FRYL: variants seen among roughly 807,000 people sequenced by gnomAD.
FRYL encodes the protein FRY like transcription coactivator.
Under a neutral mutation model 351.2 loss-of-function variants are expected in FRYL, and 150 were observed. The ratio of observed to expected loss-of-function variants is 0.43; its 90% CI spans 0.37 to 0.49. FRYL has a LOEUF of 0.49. FRYL is among the 20% of genes least tolerant of loss of function. FRYL has a pLI of 0.00. For synonymous variants in FRYL, 1,153 were observed against 1,257.1 expected, an observed-to-expected ratio of 0.92 and a Z score of 1.75; for missense variants, 3,036 against 3,619.3, an observed-to-expected ratio of 0.84 and a Z score of 4.13.
intron 2 of FRYL, among the ~76,000 whole-genome samples, chr4:48,687,495 G>C (rs1266641499): frequency 1.7e-4 from 2 of 11,926 alleles, no homozygotes; most frequent in African/African-American, 3.5e-4. Flanking sequence ...ATGAGGTCGG[G>C]GGGGGGGGGG....
intron 1 of FRYL, among the ~76,000 whole-genome samples, chr4:48,754,772 G>A (rs1414275899): frequency 1.3e-5 from 2 of 150,686 alleles, no homozygotes; most frequent in Non-Finnish European, 2.9e-5. Flanking sequence ...CTTCCAAGTC[G>A]CTGGGACTAC....
At chr4:48,704,417 G>A (rs2149580881) in intron 2 of FRYL, among the ~76,000 whole-genome samples, 1 of 152,206 alleles carries the variant, frequency 6.6e-6, no homozygotes, top group Admixed American at 6.5e-5. Flanking sequence ...GGTTATGTAT[G>A]AAAAAAAGGC....
At chr4:48,521,509 C>A (rs1210406696) in intron 54 of FRYL, among the ~76,000 whole-genome samples, 1 of 152,180 alleles carries the variant, frequency 6.6e-6, no homozygotes, top group Non-Finnish European at 1.5e-5. Context: ...CATATTGGAG[C>A]TGAATTCATA....
At chr4:48,728,985 G>GAC (rs1770407624) in intron 1 of FRYL, among the ~76,000 whole-genome samples, 1 of 152,244 alleles carries the variant, frequency 6.6e-6, no homozygotes, top group African/African-American at 2.4e-5. Context: ...AGCCGTGAGT[G>GAC]ACTGTACCTG....
intron 41 of FRYL, chr4:48,546,507 G>A: frequency 2.2e-6 from 1 of 456,370 alleles, no homozygotes; most frequent in Non-Finnish European, 3.9e-6. Context: ...GTACTATGCA[G>A]TCCTCTGCCG....
chr4:48,671,698 C>T (rs888847630), intron 3 of FRYL, among the ~76,000 whole-genome samples: 4 of 148,684 alleles, frequency 2.7e-5, no homozygotes, highest in Non-Finnish European at 4.5e-5. Flanking sequence ...TACAAAAATA[C>T]AAAAATTAGC....
chr4:48,723,880 G>A (rs1381335192), intron 1 of FRYL, among the ~76,000 whole-genome samples: 2 of 150,574 alleles, frequency 1.3e-5, no homozygotes, highest in Admixed American at 1.3e-4. Flanking sequence ...GAACCCAGGA[G>A]TTTGAGACCA....
rs752157683 is a variant in FRYL, at chr4:48,586,650, G to A, written c.1719C>T (p.Ser573=). Residue 573 remains serine, a synonymous_variant, in exon 19 of 64, where the codon AGC becomes AGT. Coordinates refer to ENST00000358350, the MANE Select transcript of FRYL (RefSeq NM_015030.2). ...AIPRLIPDGM[S]RTDLIELLAR... The stretch of plus-strand genomic sequence containing the variant: ...CTAACAATTCAATCAGGTCAGTTCT[G>A]CTCATACCGTCAGGAATCAACCTTG... 3.1e-6 allele frequency: 5 copies of A among 1,611,740 alleles called. No homozygotes were observed. The highest frequency in any genetic ancestry group is 2.2e-5 in the South Asian group (2 of 90,906).
chr4:48,643,288 G>A (rs1177173173), intron 3 of FRYL, among the ~76,000 whole-genome samples: 1 of 152,196 alleles, frequency 6.6e-6, no homozygotes, highest in East Asian at 1.9e-4. Context: ...CTGTAGCTTA[G>A]AGGGTGAGAT....
At chr4:48,680,835 A>T in intron 3 of FRYL, 1 of 362,602 alleles carries the variant, frequency 2.8e-6, no homozygotes. Flanking sequence ...GATTTTCAAA[A>T]TATTCCTGCT....
chr4:48,565,309 T>C (rs1736529238), intron 29 of FRYL, among the ~76,000 whole-genome samples: 1 of 152,142 alleles, frequency 6.6e-6, no homozygotes, highest in South Asian at 2.1e-4. Context: ...TTTCAAGTAA[T>C]CCTAAGTTCT....
rs374492914 is a variant in FRYL at position 48,638,887 on chromosome 4, A to G, written c.-80-4397T>C. 1.4e-3 allele frequency among the ~76,000 whole-genome samples: 217 copies of G among 152,216 alleles called. 1 individual carries two copies. Among genetic ancestry groups the G allele is most frequent in the African/African-American group, 4.6e-3 (193 of 41,536 alleles). Reference sequence around the variant, plus strand: ...AACCAAACACCGCATATTCTCACTCATAAGTGGGAGCTGAATAATGAGAAC... The same window carrying G: ...AACCAAACACCGCATATTCTCACTCGTAAGTGGGAGCTGAATAATGAGAAC... On this transcript the variant is annotated intron_variant, in intron 3 of 63. Transcript: ENST00000358350.
At chr4:48,662,862 T>C (rs1761046759) in intron 3 of FRYL, among the ~76,000 whole-genome samples, 1 of 151,592 alleles carries the variant, frequency 6.6e-6, no homozygotes, top group Admixed American at 6.6e-5. Flanking sequence ...CCCAGAATTC[T>C]ATATCCAGTA....
At chr4:48,713,146 C>T (rs1192703716) in intron 1 of FRYL, among the ~76,000 whole-genome samples, 5 of 151,922 alleles carry the variant, frequency 3.3e-5, no homozygotes, top group African/African-American at 9.7e-5. Flanking sequence ...TAAAGACCAT[C>T]GAGACTAGGA....
intron 60 of FRYL, among the ~76,000 whole-genome samples, chr4:48,504,563 A>G (rs1720485435): frequency 6.6e-6 from 1 of 152,158 alleles, no homozygotes; most frequent in South Asian, 2.1e-4. Context: ...TCATTTCTTT[A>G]CATAGATGAC....
chr4:48,631,064 G>A (rs1232162812), intron 4 of FRYL, among the ~76,000 whole-genome samples: 1 of 152,066 alleles, frequency 6.6e-6, no homozygotes, highest in African/African-American at 2.4e-5. Flanking sequence ...ATCTAATCTT[G>A]AAGCTATGGA....
At chr4:48,753,405 A>C (rs1184894266) in intron 1 of FRYL, among the ~76,000 whole-genome samples, 1 of 152,212 alleles carries the variant, frequency 6.6e-6, no homozygotes, top group Admixed American at 6.5e-5. Context: ...TCTCCTCTGA[A>C]CATATTCTAG....
intron 1 of FRYL, among the ~76,000 whole-genome samples, chr4:48,779,082 G>A (rs1776345612): frequency 6.6e-6 from 1 of 151,052 alleles, no homozygotes; most frequent in African/African-American, 2.4e-5. Flanking sequence ...ACAAAAATGC[G>A]ATTTTAGGTG....
chr4:48,535,926 G>A, intron 47 of FRYL, 99 bp from the exon 48 acceptor site: 1 of 991,916 alleles, frequency 1.0e-6, no homozygotes, highest in Non-Finnish European at 1.4e-6. Flanking sequence ...TAATTTAGAT[G>A]TATATTGGTT....
Sources: gnomAD v4.1 joint callset for allele counts (sites outside exome capture counted in the v4.1 genomes callset) on GRCh38, gnomAD v4.1.1 for gene constraint, MANE v1.5 for transcripts, NCBI Gene and HGNC (gene_info 2026-07-23, HGNC 2026-07-21) for gene names.